Variants in SOX5 observed in about 807,000 individuals in gnomAD.
SOX5 encodes the protein transcription factor SOX-5.
A neutral mutation model predicts 92.0 loss-of-function variants in SOX5; 9 were observed. That is an observed-to-expected ratio of 0.10 (90% CI 0.06 to 0.17). SOX5 has a LOEUF of 0.17. SOX5 is among the 10% of genes least tolerant of loss of function. The pLI is 1.00. For synonymous variants in SOX5, 344 were observed against 336.3 expected (o/e 1.02, Z -0.25); for missense variants, 642 against 944.5 (o/e 0.68, Z 4.20).
chr12:23,757,747 A>C (rs2094438716), intron 3 of SOX5, among the ~76,000 whole-genome samples: 1 of 152,106 alleles, frequency 6.6e-6, no homozygotes, highest in Non-Finnish European at 1.5e-5. Context: ...TCCAGGCACC[A>C]AAAGCAGACC....
At chr12:23,886,203 T>C (rs2097062543) in intron 2 of SOX5, among the ~76,000 whole-genome samples, 1 of 152,192 alleles carries the variant, frequency 6.6e-6, no homozygotes, top group African/African-American at 2.4e-5. Flanking sequence ...TGTTTGTCCT[T>C]GTATATACTA....
intron 2 of SOX5, among the ~76,000 whole-genome samples, chr12:23,875,008 G>A (rs1469457749): frequency 6.6e-6 from 1 of 152,182 alleles, no homozygotes; most frequent in African/African-American, 2.4e-5. Flanking sequence ...AGGAATTTAA[G>A]AATAGGTCTT....
intron 2 of SOX5, among the ~76,000 whole-genome samples, chr12:24,327,054 A>G (rs897753949): frequency 6.6e-6 from 1 of 152,190 alleles, no homozygotes; most frequent in Non-Finnish European, 1.5e-5. Flanking sequence ...AAATTTCACA[A>G]TGGCATAGCA....
intron 4 of SOX5, among the ~76,000 whole-genome samples, chr12:24,036,735 C>G (rs573036370): frequency 5.3e-5 from 8 of 152,180 alleles, no homozygotes; most frequent in African/African-American, 1.9e-4. Context: ...ATATAATGAT[C>G]ATAGCCCTAC....
At chr12:24,089,374 C>G (rs1057037293) in intron 4 of SOX5, among the ~76,000 whole-genome samples, 1 of 151,998 alleles carries the variant, frequency 6.6e-6, no homozygotes, top group Non-Finnish European at 1.5e-5. Context: ...CAAATCTAGT[C>G]CCACAAATTG....
At chr12:23,579,864 C>A (rs904039536) in intron 9 of SOX5, among the ~76,000 whole-genome samples, 2 of 152,032 alleles carry the variant, frequency 1.3e-5, no homozygotes, top group South Asian at 4.1e-4. Flanking sequence ...ATCAACTACA[C>A]CATCAAGCAG....
At chr12:24,245,235 TTGTGTGTGTGTGTG>T (rs58384963) in intron 3 of SOX5, among the ~76,000 whole-genome samples, 6 of 144,274 alleles carry the variant, frequency 4.2e-5, no homozygotes, top group African/African-American at 5.2e-5. Flanking sequence ...TTGGAGAGAT[TTGTGTGTGTGTGTG>T]TGTGTGTGTG....
chr12:23,593,699 CA>C (rs1951906179), intron 9 of SOX5, among the ~76,000 whole-genome samples: 1 of 151,162 alleles, frequency 6.6e-6, no homozygotes, highest in South Asian at 2.1e-4. Flanking sequence ...TTTTTTTTAC[CA>C]AGAAAATAAC....
At chr12:24,186,685 C>CA (rs1950871382) in intron 4 of SOX5, among the ~76,000 whole-genome samples, 1 of 151,792 alleles carries the variant, frequency 6.6e-6, no homozygotes, top group African/African-American at 2.4e-5. Flanking sequence ...TGCCCTTAAA[C>CA]AAAAAAGTAG....
chr12:24,133,128 C>T (rs2138528483), intron 4 of SOX5, among the ~76,000 whole-genome samples: 2 of 152,294 alleles, frequency 1.3e-5, no homozygotes, highest in South Asian at 4.2e-4. Flanking sequence ...AAAGGCTTCC[C>T]ACTCTGTTTT....
At chr12:23,802,984 C>T (rs529791519) in intron 3 of SOX5, among the ~76,000 whole-genome samples, 2 of 152,268 alleles carry the variant, frequency 1.3e-5, no homozygotes, top group East Asian at 3.9e-4. Context: ...AAACTACATT[C>T]AATCTTAACT....
At chr12:24,380,523 T>G (rs1008670927) in intron 1 of SOX5, among the ~76,000 whole-genome samples, 1 of 152,218 alleles carries the variant, frequency 6.6e-6, no homozygotes, top group African/African-American at 2.4e-5. Context: ...AGCACATTTG[T>G]AATGTAAATA....
chr12:23,701,458 A>G (rs1372534264), intron 6 of SOX5, among the ~76,000 whole-genome samples: 1 of 152,052 alleles, frequency 6.6e-6, no homozygotes, highest in East Asian at 1.9e-4. Flanking sequence ...TCTCTTCACC[A>G]TAAACATAAT....
chr12:23,831,431 T>C (rs573202657), intron 3 of SOX5, among the ~76,000 whole-genome samples: 143 of 152,200 alleles, frequency 9.4e-4, no homozygotes, highest in African/African-American at 3.3e-3. Flanking sequence ...AGAATTTGTA[T>C]TGCATTGCAC....
At chr12:24,234,058 T>G (rs1447614810) in intron 3 of SOX5, among the ~76,000 whole-genome samples, 4 of 152,192 alleles carry the variant, frequency 2.6e-5, no homozygotes, top group Non-Finnish European at 4.4e-5. Context: ...CGAGGCCAAC[T>G]TCCTCATACT....
intron 1 of SOX5, among the ~76,000 whole-genome samples, chr12:23,934,262 G>A (rs1322505328): frequency 1.3e-5 from 2 of 151,114 alleles, no homozygotes; most frequent in Non-Finnish European, 3.0e-5. Context: ...ACTTCATTAT[G>A]AGTCAGGTAA....
At chr12:23,745,871 T>C (rs557538182) in intron 4 of SOX5, among the ~76,000 whole-genome samples, 3 of 152,304 alleles carry the variant, frequency 2.0e-5, no homozygotes, top group Non-Finnish European at 2.9e-5. Flanking sequence ...GCAGCAACTG[T>C]AAATGATGGA....
intron 2 of SOX5, among the ~76,000 whole-genome samples, chr12:23,889,419 A>G (rs1369772931): frequency 6.6e-6 from 1 of 152,178 alleles, no homozygotes; most frequent in Non-Finnish European, 1.5e-5. Flanking sequence ...GCATAACACC[A>G]TCCTAGTCAA....
intron 10 of SOX5, among the ~76,000 whole-genome samples, chr12:23,572,703 A>G (rs1948559425): frequency 6.6e-6 from 1 of 152,204 alleles, no homozygotes; most frequent in Admixed American, 6.5e-5. Context: ...GTATATTATG[A>G]TAGTGAATGA....
Sources: allele counts gnomAD v4.1 joint callset (sites outside exome capture counted in the v4.1 genomes callset), GRCh38; gene constraint gnomAD v4.1.1; transcripts MANE v1.5; gene names NCBI Gene and HGNC (gene_info 2026-07-23, HGNC 2026-07-21).